Variants in FBXO11 observed in about 807,000 individuals in gnomAD.
FBXO11 encodes F-box protein 11.
A neutral mutation model predicts 117.0 loss-of-function variants in FBXO11; 13 were observed. The ratio of observed to expected loss-of-function variants is 0.11; its 90% CI spans 0.07 to 0.18. The LOEUF (loss-of-function observed/expected upper bound fraction) is 0.18, where lower values mean the gene tolerates loss of function less well. FBXO11 is among the 10% of genes least tolerant of loss of function. FBXO11 has a pLI of 1.00. For synonymous variants in FBXO11, 490 were observed against 380.5 expected (o/e 1.29, Z -3.35); for missense variants, 767 against 1,164.4 (o/e 0.66, Z 4.97).
intron 1 of FBXO11, among the ~76,000 whole-genome samples, chr2:47,842,767 T>C (rs1673110308): frequency 7.0e-6 from 1 of 142,982 alleles, no homozygotes; most frequent in Non-Finnish European, 1.5e-5. Flanking sequence ...GAAAAACAAG[T>C]AAATTTTTCT....
At chr2:47,809,128 T>C (rs1252797055) in intron 21 of FBXO11, 30 bp downstream of exon 21, 2 of 1,367,488 alleles carry the variant, frequency 1.5e-6, no homozygotes, top group Non-Finnish European at 2.0e-6. Context: ...GTCTTCCTCT[T>C]TTCAGGACTC....
At chr2:47,862,953 G>C (rs1006396774) in intron 1 of FBXO11, among the ~76,000 whole-genome samples, 3 of 151,448 alleles carry the variant, frequency 2.0e-5, no homozygotes, top group African/African-American at 7.3e-5. Flanking sequence ...TACTTGGGAG[G>C]CTAAGGCAGG....
intron 1 of FBXO11, among the ~76,000 whole-genome samples, chr2:47,866,832 C>A (rs1056387597): frequency 6.6e-6 from 1 of 152,138 alleles, no homozygotes; most frequent in Admixed American, 6.6e-5. Context: ...AAAATACCCA[C>A]CCTCCAAACA....
At position 47,823,128 on chromosome 2, in the gene FBXO11, A is replaced by G; in HGVS notation, c.1616+15T>C. The G allele has an allele frequency of 6.4e-7, 1 of 1,567,586 alleles. No homozygotes were observed. The highest frequency in any genetic ancestry group is 1.4e-5 in the African/African-American group (1 of 73,598). ...AGTGAAAAAGTAATTTTCACCCATAATTATATGTAAATACCTTATTGTTGG... is the reference window on the plus strand; with the variant it reads ...AGTGAAAAAGTAATTTTCACCCATAGTTATATGTAAATACCTTATTGTTGG... On this transcript the variant is annotated intron_variant, in intron 12 of 22. Transcript: ENST00000403359.
chr2:47,905,861 G>A lies in FBXO11; in HGVS notation c.-141C>T, dbSNP rs1322913424. The A allele has an allele frequency of 2.6e-6, 2 of 768,470 alleles. No individual in the cohort carries two copies. The highest frequency in any genetic ancestry group is 2.2e-5 in the South Asian group (1 of 45,496). The allele number at this position is 768,470 out of a possible 1,614,324, so 47.6% of individuals were successfully genotyped here. ...GGCGAGGGGAAGGGGAGACGCTGAG[G>A]GCGGAGGGGGCGAGCGGGACCCCGA... On this transcript the variant is annotated 5_prime_UTR_variant, in exon 1 of 23. Coordinates refer to ENST00000403359, the MANE Select transcript of FBXO11 (RefSeq NM_001190274.2).
At chr2:47,868,555 C>A (rs1451039997) in intron 1 of FBXO11, among the ~76,000 whole-genome samples, 1 of 152,164 alleles carries the variant, frequency 6.6e-6, no homozygotes, top group East Asian at 1.9e-4. Flanking sequence ...ACCTCCCAGA[C>A]TGACAGCTCT....
At chr2:47,895,654 G>A (rs2348497) in intron 1 of FBXO11, among the ~76,000 whole-genome samples, 152,336 of 152,376 alleles carry the variant, frequency 1, 76,148 homozygotes, top group Middle Eastern at 1. Context: ...TACAAGATTA[G>A]CAGAAATTAT....
At chr2:47,900,762 GTATA>G (rs746619617) in intron 1 of FBXO11, among the ~76,000 whole-genome samples, 3 of 84,536 alleles carry the variant, frequency 3.5e-5, no homozygotes, top group African/African-American at 1.5e-4. Context: ...ACACACACGT[GTATA>G]TATATACACG....
chr2:47,816,386 GC>G (rs1232452825), intron 16 of FBXO11, among the ~76,000 whole-genome samples: 1 of 152,022 alleles, frequency 6.6e-6, no homozygotes, highest in Non-Finnish European at 1.5e-5. Flanking sequence ...TTGCTATGTT[GC>G]CCAGGCTGAT....
At chr2:47,883,108 G>A (rs908833689) in intron 1 of FBXO11, among the ~76,000 whole-genome samples, 6 of 152,214 alleles carry the variant, frequency 3.9e-5, no homozygotes, top group Non-Finnish European at 1.5e-5. Context: ...AATAGATGGT[G>A]AAATGCTGGG....
At chr2:47,851,851 T>C (rs1673886653) in intron 1 of FBXO11, among the ~76,000 whole-genome samples, 1 of 152,246 alleles carries the variant, frequency 6.6e-6, no homozygotes, top group Admixed American at 6.5e-5. Flanking sequence ...GCTATATTCT[T>C]ATAAGCATTA....
At chr2:47,832,266 G>T (rs946709527) in intron 11 of FBXO11, 83 bp downstream of exon 11, 1 of 1,161,128 alleles carries the variant, frequency 8.6e-7, no homozygotes. Context: ...AGATAATTTG[G>T]TGATGAGAAA....
chr2:47,891,221 G>A (rs1029107160), intron 1 of FBXO11, among the ~76,000 whole-genome samples: 4 of 152,064 alleles, frequency 2.6e-5, no homozygotes, highest in Non-Finnish European at 5.9e-5. Context: ...ATACTGTATG[G>A]CGGAACTTAT....
Position 47,808,062 on chromosome 2 carries a change from A to G in FBXO11, c.*56T>C, listed in dbSNP as rs930894574. On this transcript the variant is annotated 3_prime_UTR_variant, in exon 23 of 23. Coordinates refer to ENST00000403359, the MANE Select transcript of FBXO11 (RefSeq NM_001190274.2). ...CAAATATTTTAAATCTTCTTCCAAAAAAGTGTTTTAAGTTATGATGTTACA... is the reference window on the plus strand; with the variant it reads ...CAAATATTTTAAATCTTCTTCCAAAGAAGTGTTTTAAGTTATGATGTTACA... The G allele has an allele frequency of 7.5e-6, 11 of 1,464,572 alleles. No homozygotes were observed. The highest frequency in any genetic ancestry group is 2.8e-5 in the African/African-American group (2 of 70,932). 90.7% of individuals were successfully genotyped at this position (1,464,572 alleles called of 1,614,324 possible). A position where few individuals can be genotyped will look rare whatever the true frequency, so the allele number is the denominator to read the frequency against.
intron 4 of FBXO11, among the ~76,000 whole-genome samples, chr2:47,836,728 A>G (rs1183821534): frequency 1.3e-5 from 2 of 152,196 alleles, no homozygotes; most frequent in African/African-American, 2.4e-5. Flanking sequence ...CAGGAAGGGG[A>G]AAAAAAGTTA....
At chr2:47,893,166 T>TTAAATAAATAAATTAAATAAA (rs1553359420) in intron 1 of FBXO11, among the ~76,000 whole-genome samples, 12 of 141,478 alleles carry the variant, frequency 8.5e-5, no homozygotes, top group Admixed American at 6.2e-4. Flanking sequence ...AAAAAATAAA[T>TTAAATAAATAAATTAAATAAA]TAAATAAATA....
In FBXO11 at chr2:47,841,822, G is replaced by C. The variant is rs749524014; in HGVS notation, c.233-2053C>G. 1.3e-5 allele frequency among the ~76,000 whole-genome samples: 2 copies of C among 151,364 alleles called. 1 individual carries two copies. Among genetic ancestry groups the C allele is most frequent in the Admixed American group, 1.3e-4 (2 of 15,208 alleles). ...TGCCTGGCTAACTTTTTGTATTTTG[G>C]TAGAGACGGGGTTTCACCATGTTGG... On this transcript the variant is annotated intron_variant, in intron 1 of 22. Coordinates refer to ENST00000403359, the MANE Select transcript of FBXO11 (RefSeq NM_001190274.2).
chr2:47,833,190 C>T (rs1672312172), intron 7 of FBXO11, 120 bp from the exon 8 acceptor site: 2 of 642,472 alleles, frequency 3.1e-6, no homozygotes, highest in Non-Finnish European at 5.5e-6. Flanking sequence ...TATTCACTAT[C>T]AGTTAACTAT....
intron 1 of FBXO11, among the ~76,000 whole-genome samples, chr2:47,903,861 T>C (rs530494520): frequency 1.6e-4 from 24 of 152,326 alleles, no homozygotes; most frequent in African/African-American, 5.8e-4. Context: ...AGAACACTGA[T>C]AGACATATGT....
Sources: allele counts gnomAD v4.1 joint callset (sites outside exome capture counted in the v4.1 genomes callset), GRCh38; gene constraint gnomAD v4.1.1; transcripts MANE v1.5; gene names NCBI Gene and HGNC (gene_info 2026-07-23, HGNC 2026-07-21).